The following PARD3B variants were observed in gnomAD, a reference collection of about 807,000 sequenced individuals.
PARD3B encodes the protein partitioning defective 3 homolog B.
A neutral mutation model predicts 130.2 loss-of-function variants in PARD3B; 103 were observed. The ratio of observed to expected loss-of-function variants is 0.79; its 90% CI spans 0.67 to 0.93. The LOEUF (loss-of-function observed/expected upper bound fraction) is 0.93, where lower values mean the gene tolerates loss of function less well. PARD3B is among the 40% of genes least tolerant of loss of function. The pLI is 0.00. For missense variants in PARD3B, 1,609 were observed against 1,499.2 expected (o/e 1.07, Z -1.21); for synonymous variants, 583 against 553.2 (o/e 1.05, Z -0.76).
intron 3 of PARD3B, among the ~76,000 whole-genome samples, chr2:205,035,668 T>C (rs12622026): frequency 0.23 from 34,110 of 150,958 alleles, 4,136 homozygotes; most frequent in Middle Eastern, 0.3. Flanking sequence ...TTATATTACT[T>C]ACCAAGATGA....
intron 2 of PARD3B, among the ~76,000 whole-genome samples, chr2:204,838,349 ATG>A (rs55688873): frequency 0.027 from 3,709 of 135,052 alleles, 73 homozygotes; most frequent in African/African-American, 0.05. Context: ...TACCTGGCTA[ATG>A]TGTGTGTGTG....
rs144598416 is a variant in PARD3B at position 204,944,426 on chromosome 2, G to T, written c.223-20726G>T. 2.3e-3 allele frequency among the ~76,000 whole-genome samples: 352 copies of T among 152,234 alleles called. 2 individuals carry two copies. Among genetic ancestry groups the T allele is most frequent in the African/African-American group, 7.8e-3 (324 of 41,544 alleles). On this transcript the variant is annotated intron_variant, in intron 2 of 22. Coordinates refer to ENST00000406610, the MANE Select transcript of PARD3B (RefSeq NM_001302769.2). ...CCTTTGGTAAATAGCAATCCATCAAGCTGCAAGCTGGTAGCTTCCCCTGGC... is the reference window on the plus strand; with the variant it reads ...CCTTTGGTAAATAGCAATCCATCAATCTGCAAGCTGGTAGCTTCCCCTGGC...
chr2:205,000,306 C>T (rs1694726369), intron 3 of PARD3B, among the ~76,000 whole-genome samples: 2 of 152,094 alleles, frequency 1.3e-5, no homozygotes, highest in Non-Finnish European at 1.5e-5. Context: ...CTTGTGTTTT[C>T]TACTGAGTGA....
At chr2:205,317,120 G>A (rs2042589288) in intron 18 of PARD3B, among the ~76,000 whole-genome samples, 1 of 152,088 alleles carries the variant, frequency 6.6e-6, no homozygotes, top group South Asian at 2.1e-4. Context: ...GATAACCAGA[G>A]CATCCTTGAA....
intron 21 of PARD3B, among the ~76,000 whole-genome samples, chr2:205,539,580 G>A (rs553009082): frequency 1.3e-5 from 2 of 152,160 alleles, no homozygotes; most frequent in Admixed American, 6.5e-5. Flanking sequence ...GACTGTTCAC[G>A]AAGTAGCAGC....
chr2:204,940,788 C>A (rs1356111765), intron 2 of PARD3B, among the ~76,000 whole-genome samples: 10 of 152,066 alleles, frequency 6.6e-5, no homozygotes, highest in African/African-American at 2.4e-4. Context: ...ACACCATCAT[C>A]ATGTATTCTA....
At chr2:205,574,330 A>G (rs1474284561) in intron 22 of PARD3B, among the ~76,000 whole-genome samples, 1 of 152,208 alleles carries the variant, frequency 6.6e-6, no homozygotes, top group Non-Finnish European at 1.5e-5. Flanking sequence ...TTGCAAGTCA[A>G]GATGTCATCC....
chr2:205,088,781 G>A lies in PARD3B; in HGVS notation c.505-15645G>A, dbSNP rs74268574. On this transcript the variant is annotated intron_variant, in intron 4 of 22. Coordinates refer to ENST00000406610, the MANE Select transcript of PARD3B (RefSeq NM_001302769.2). Reference sequence around the variant, plus strand: ...ATCATAATGCAAAGTATATAGAATGGTGCAACACTTATGACTGTCTTTTTT... The same window carrying A: ...ATCATAATGCAAAGTATATAGAATGATGCAACACTTATGACTGTCTTTTTT... 1.7e-3 allele frequency among the ~76,000 whole-genome samples: 244 copies of A among 145,000 alleles called. 4 individuals are homozygous for A. In the East Asian group the frequency reaches 0.04, roughly 24 times the overall value.
Position 205,321,190 on chromosome 2 carries a change from A to G in PARD3B, c.2630+19489A>G, listed in dbSNP as rs1487308711. 3.3e-5 allele frequency among the ~76,000 whole-genome samples: 5 copies of G among 152,238 alleles called. No individual in the cohort carries two copies. The highest frequency in any genetic ancestry group is 9.6e-5 in the African/African-American group (4 of 41,466). Reference sequence around the variant, plus strand: ...GCCAATAGACCAGCCACATTAAACAATAAAAGTGTTTGAGTATTGATTGTT... The same window carrying G: ...GCCAATAGACCAGCCACATTAAACAGTAAAAGTGTTTGAGTATTGATTGTT... On this transcript the variant is annotated intron_variant, in intron 18 of 22. Coordinates refer to ENST00000406610, the MANE Select transcript of PARD3B (RefSeq NM_001302769.2). The surrounding 1 kb of genome is among the most constrained non-coding windows in gnomAD (Gnocchi z 4.2).
chr2:205,194,469 T>C (rs1267167754), intron 15 of PARD3B, among the ~76,000 whole-genome samples: 1 of 152,178 alleles, frequency 6.6e-6, no homozygotes, highest in Non-Finnish European at 1.5e-5. Context: ...AAGGAATAAT[T>C]TGTGACAGTG....
At chr2:204,638,373 A>G (rs1405872390) in intron 1 of PARD3B, among the ~76,000 whole-genome samples, 1 of 152,212 alleles carries the variant, frequency 6.6e-6, no homozygotes. Context: ...GTTACTAGGT[A>G]TGTCAGTGTT....
At chr2:205,033,993 G>A (rs1697614829) in intron 3 of PARD3B, among the ~76,000 whole-genome samples, 1 of 152,102 alleles carries the variant, frequency 6.6e-6, no homozygotes, top group Admixed American at 6.6e-5. Flanking sequence ...CTGATAACAT[G>A]TGCTGCATTA....
At chr2:205,247,618 C>T (rs2039625870) in intron 16 of PARD3B, among the ~76,000 whole-genome samples, 1 of 152,162 alleles carries the variant, frequency 6.6e-6, no homozygotes, top group Admixed American at 6.5e-5. Flanking sequence ...GTTATTCCAA[C>T]ATGCACTATT....
intron 1 of PARD3B, among the ~76,000 whole-genome samples, chr2:204,679,654 A>G (rs1041074110): frequency 4.0e-5 from 6 of 151,128 alleles, no homozygotes; most frequent in African/African-American, 1.5e-4. Context: ...TGCTATTGTA[A>G]ATGTTACAAT....
At chr2:204,640,282 G>C (rs954874037) in intron 1 of PARD3B, among the ~76,000 whole-genome samples, 2 of 152,088 alleles carry the variant, frequency 1.3e-5, no homozygotes, top group Admixed American at 1.3e-4. Flanking sequence ...TAGACTCCTT[G>C]CTCTTCTCTT....
In PARD3B at chr2:205,401,132, A is replaced by T. The variant is rs945107236; in HGVS notation, c.2741+9A>T. 33 of 1,567,534 alleles carry T rather than the reference A, an allele frequency of 2.1e-5. No homozygotes were observed. The Admixed American group carries it at 5.5e-4, about 26-fold the overall frequency. The stretch of plus-strand genomic sequence containing the variant: ...AAAGAAGAGCGTGAAAGGTGAGCAG[A>T]AGTGCCGAGACCTTCATTTTCTTTG... On this transcript the variant is annotated intron_variant, in intron 19 of 22. Coordinates refer to ENST00000406610, the MANE Select transcript of PARD3B (RefSeq NM_001302769.2).
At chr2:205,294,796 G>T (rs2041729128) in intron 16 of PARD3B, among the ~76,000 whole-genome samples, 1 of 152,122 alleles carries the variant, frequency 6.6e-6, no homozygotes, top group East Asian at 1.9e-4. Flanking sequence ...GCCAGTAAAA[G>T]AACTGAGACC....
At chr2:205,443,044 G>C (rs2047778325) in intron 20 of PARD3B, among the ~76,000 whole-genome samples, 1 of 152,156 alleles carries the variant, frequency 6.6e-6, no homozygotes, top group African/African-American at 2.4e-5. Context: ...TATGCTTAAA[G>C]ACTGCCCTGC....
chr2:205,402,819 A>G lies in PARD3B; in HGVS notation c.2741+1696A>G, dbSNP rs541265766. On this transcript the variant is annotated intron_variant, in intron 19 of 22. Transcript: ENST00000406610. ...TCCCACACATGAACACATAAAACAC[A>G]TCTGATAGGGGTTTCCTAGAGACAA... 9.2e-5 allele frequency among the ~76,000 whole-genome samples: 14 copies of G among 152,352 alleles called. No homozygotes were observed. In the South Asian group the frequency reaches 1.2e-3, roughly 14 times the overall value.
Sources: gnomAD v4.1 joint callset for allele counts (sites outside exome capture counted in the v4.1 genomes callset) on GRCh38, gnomAD v4.1.1 for gene constraint, Gnocchi (gnomAD v3.1) non-coding constraint, MANE v1.5 for transcripts, NCBI Gene and HGNC (gene_info 2026-07-23, HGNC 2026-07-21) for gene names.